The following RORA variants were observed in gnomAD, a reference collection of about 807,000 sequenced individuals.
RORA encodes RAR related orphan receptor A.
A neutral mutation model predicts 69.5 loss-of-function variants in RORA; 7 were observed. The observed-to-expected ratio is 0.10, with a 90% confidence interval of 0.06 to 0.19. The LOEUF is 0.19. Among genes scored for constraint, RORA ranks in the 10% least tolerant of loss-of-function variants. The probability of loss-of-function intolerance (pLI) is 1.00; values close to 1 mark genes in which losing one functional copy is unlikely to be tolerated. For synonymous variants in RORA, 261 were observed against 240.8 expected (o/e 1.08, Z -0.78); for missense variants, 457 against 663.0 (o/e 0.69, Z 3.41).
chr15:61,096,988 A>ATAAAAAATAG (rs985837860), intron 1 of RORA, among the ~76,000 whole-genome samples: 17 of 152,258 alleles, frequency 1.1e-4, no homozygotes, highest in Non-Finnish European at 1.9e-4. Flanking sequence ...GATACAAAAA[A>ATAAAAAATAG]TAAAAAATAG....
intron 1 of RORA, among the ~76,000 whole-genome samples, chr15:60,746,065 G>A (rs895636946): frequency 1.1e-4 from 17 of 152,050 alleles, no homozygotes; most frequent in Non-Finnish European, 2.2e-4. Context: ...CATGAAACTC[G>A]ACCTTTTCCA....
intron 1 of RORA, among the ~76,000 whole-genome samples, chr15:60,921,202 T>C (rs528363805): frequency 2.6e-5 from 4 of 152,308 alleles, no homozygotes; most frequent in African/African-American, 9.6e-5. Flanking sequence ...CAGAAATCCA[T>C]ACTTATATCC....
intron 1 of RORA, among the ~76,000 whole-genome samples, chr15:60,681,180 GA>G (rs1348612345): frequency 6.6e-6 from 1 of 152,130 alleles, no homozygotes; most frequent in African/African-American, 2.4e-5. Flanking sequence ...AAAAAAAGCA[GA>G]AAACATCCTT....
chr15:60,517,110 C>T (rs1387141287), intron 3 of RORA, among the ~76,000 whole-genome samples: 3 of 141,268 alleles, frequency 2.1e-5, no homozygotes, highest in East Asian at 2.0e-4. Flanking sequence ...TTCATCTGTG[C>T]TTTTTTTTTT....
chr15:60,921,507 G>C (rs1179906259), intron 1 of RORA, among the ~76,000 whole-genome samples: 1 of 152,240 alleles, frequency 6.6e-6, no homozygotes, highest in African/African-American at 2.4e-5. Flanking sequence ...AGTCAAGACA[G>C]TGGTTACCTC....
At chr15:60,802,257 G>A (rs2072593544) in intron 1 of RORA, among the ~76,000 whole-genome samples, 1 of 152,228 alleles carries the variant, frequency 6.6e-6, no homozygotes, top group African/African-American at 2.4e-5. Context: ...ATCTGCGTAT[G>A]TGAATAGCAA....
Position 60,501,059 on chromosome 15 carries a change from G to C in RORA, c.1194C>G (p.Asp398Glu). ...CAAATTCAAACACAAAGCTAATAAA[G>C]TCTTCACAACCTGCCAAAATGAAAA... is the stretch of plus-strand genomic sequence containing the variant. The part of the protein sequence containing the change: ...PDVFKSLGCE[D>E]FISFVFEFGK... Residue 398 changes from aspartate (D) to glutamate (E), a missense_variant, in exon 9 of 11, where the codon GAC (aspartate) becomes GAG (glutamate). Physicochemically the swap from Asp to Glu is conservative, Grantham distance 45. Coordinates refer to ENST00000335670, the MANE Select transcript of RORA (RefSeq NM_134261.3). The C allele has an allele frequency of 6.3e-7, 1 of 1,590,984 alleles. No individual in the cohort carries two copies. Among genetic ancestry groups the C allele is most frequent in the Non-Finnish European group, 8.6e-7 (1 of 1,160,580 alleles).
chr15:60,945,617 G>C (rs545660039), intron 1 of RORA, among the ~76,000 whole-genome samples: 1 of 152,158 alleles, frequency 6.6e-6, no homozygotes, highest in Admixed American at 6.5e-5. Flanking sequence ...ATAACAATAT[G>C]TTCCATTCAG....
chr15:60,607,342 G>T (rs2068971269), intron 2 of RORA, among the ~76,000 whole-genome samples: 1 of 152,132 alleles, frequency 6.6e-6, no homozygotes, highest in Non-Finnish European at 1.5e-5. Flanking sequence ...AATATATTTT[G>T]AAAGCTCCCC....
chr15:61,134,678 T>G (rs775448028), intron 1 of RORA, among the ~76,000 whole-genome samples: 2 of 152,202 alleles, frequency 1.3e-5, no homozygotes, highest in Non-Finnish European at 2.9e-5. Flanking sequence ...TTCTAGATGA[T>G]GAAATGCACA....
chr15:60,810,675 T>TAAAG (rs2072730990), intron 1 of RORA, among the ~76,000 whole-genome samples: 1 of 151,902 alleles, frequency 6.6e-6, no homozygotes, highest in African/African-American at 2.4e-5. Context: ...CTACTTATCT[T>TAAAG]TCTGTGTTTT....
intron 1 of RORA, among the ~76,000 whole-genome samples, chr15:61,009,051 C>T (rs1187058455): frequency 6.6e-6 from 1 of 152,214 alleles, no homozygotes; most frequent in East Asian, 1.9e-4. Context: ...ACCTTGCCTA[C>T]TGCTTCACAA....
intron 1 of RORA, among the ~76,000 whole-genome samples, chr15:61,175,211 T>C (rs1365257881): frequency 6.6e-6 from 1 of 152,116 alleles, no homozygotes; most frequent in Non-Finnish European, 1.5e-5. Context: ...AGCACAGCAC[T>C]TCAAGATGCC....
At chr15:60,563,247 A>G (rs892351749) in intron 2 of RORA, among the ~76,000 whole-genome samples, 3 of 152,208 alleles carry the variant, frequency 2.0e-5, no homozygotes, top group African/African-American at 7.2e-5. Flanking sequence ...TGATGGTGCA[A>G]ATACCAGGTG....
At chr15:61,133,878 A>AC in intron 1 of RORA, among the ~76,000 whole-genome samples, 1 of 152,334 alleles carries the variant, frequency 6.6e-6, no homozygotes, top group African/African-American at 2.4e-5. Context: ...ATAAATCTTT[A>AC]ACTGTAGCAA....
At chr15:61,117,023 T>C (rs1171184849) in intron 1 of RORA, among the ~76,000 whole-genome samples, 1 of 152,146 alleles carries the variant, frequency 6.6e-6, no homozygotes. Flanking sequence ...ATACATCAGC[T>C]TCAAAGACAA....
At chr15:60,716,583 T>C (rs1030845903) in intron 1 of RORA, among the ~76,000 whole-genome samples, 5 of 152,062 alleles carry the variant, frequency 3.3e-5, no homozygotes, top group African/African-American at 1.2e-4. Flanking sequence ...TTTGTTACAG[T>C]CTTGTTATAA....
intron 3 of RORA, among the ~76,000 whole-genome samples, chr15:60,519,386 G>A (rs1319770139): frequency 6.6e-6 from 1 of 152,182 alleles, no homozygotes; most frequent in Non-Finnish European, 1.5e-5. Context: ...GGCTTAGAGA[G>A]GTGTAGTGAC....
At chr15:60,675,042 A>G (rs1208328108) in intron 2 of RORA, among the ~76,000 whole-genome samples, 1 of 152,168 alleles carries the variant, frequency 6.6e-6, no homozygotes, top group Non-Finnish European at 1.5e-5. Flanking sequence ...TTAGGACTCC[A>G]TGATGCTAAA....
Sources: gnomAD v4.1 joint callset for allele counts (sites outside exome capture counted in the v4.1 genomes callset) on GRCh38, gnomAD v4.1.1 for gene constraint, MANE v1.5 for transcripts, NCBI Gene and HGNC (gene_info 2026-07-23, HGNC 2026-07-21) for gene names.